Variants in CATSPERE observed in about 807,000 individuals in gnomAD.
CATSPERE encodes the protein catsper channel auxiliary subunit epsilon, also known as cation channel sperm-associated auxiliary subunit epsilon.
A neutral mutation model predicts 114.1 loss-of-function variants in CATSPERE; 93 were observed. The observed-to-expected ratio is 0.81, with a 90% confidence interval of 0.69 to 0.97. The LOEUF (loss-of-function observed/expected upper bound fraction) is 0.97. CATSPERE is among the 50% of genes least tolerant of loss of function. The pLI, the probability that CATSPERE is intolerant of heterozygous loss-of-function variation, is 0.00. For missense variants in CATSPERE, 1,058 were observed against 1,131.6 expected, an observed-to-expected ratio of 0.93 and a Z score of 0.93; for synonymous variants, 341 against 384.1, an observed-to-expected ratio of 0.89 and a Z score of 1.31.
intron 10 of CATSPERE, among the ~76,000 whole-genome samples, chr1:244,571,977 C>CAAGAATT: frequency 6.6e-6 from 1 of 152,312 alleles, no homozygotes; most frequent in Admixed American, 6.5e-5. Flanking sequence ...GGCTTCAACA[C>CAAGAATT]AAGAATTTGG....
chr1:244,515,871 A>G (rs1676528844), intron 7 of CATSPERE, among the ~76,000 whole-genome samples: 1 of 149,788 alleles, frequency 6.7e-6, no homozygotes, highest in South Asian at 2.1e-4. Context: ...ATACTATTAA[A>G]AATAATAATA....
At chr1:244,582,883 G>C (rs1327023929) in intron 12 of CATSPERE, among the ~76,000 whole-genome samples, 1 of 46,396 alleles carries the variant, frequency 2.2e-5, no homozygotes, top group Non-Finnish European at 5.3e-5. Flanking sequence ...TCAAATACTG[G>C]TAAGTGCTAT....
intron 11 of CATSPERE, among the ~76,000 whole-genome samples, chr1:244,578,153 G>T (rs143852352): frequency 6.2e-4 from 95 of 152,166 alleles, no homozygotes; most frequent in African/African-American, 2.2e-3. Context: ...TTTATTTGTT[G>T]GTTTGTTGGT....
At chr1:244,484,065 T>C (rs1210628514) in intron 5 of CATSPERE, among the ~76,000 whole-genome samples, 2 of 152,200 alleles carry the variant, frequency 1.3e-5, no homozygotes, top group Non-Finnish European at 2.9e-5. Context: ...ATAATCTATT[T>C]ATCCAGAATA....
intron 17 of CATSPERE, among the ~76,000 whole-genome samples, chr1:244,595,457 GGTAA>G (rs1422096614): frequency 6.6e-6 from 1 of 152,140 alleles, no homozygotes; most frequent in Non-Finnish European, 1.5e-5. Context: ...AATTCTGCTG[GGTAA>G]GTCTTTCAAG....
chr1:244,570,180 G>A (rs1043816799), intron 10 of CATSPERE, among the ~76,000 whole-genome samples: 1 of 151,930 alleles, frequency 6.6e-6, no homozygotes, highest in Non-Finnish European at 1.5e-5. Flanking sequence ...AGAAGTTCTT[G>A]TCTTTCTAGG....
At chr1:244,558,648 AC>A (rs1662067418) in intron 9 of CATSPERE, among the ~76,000 whole-genome samples, 1 of 152,108 alleles carries the variant, frequency 6.6e-6, no homozygotes, top group Non-Finnish European at 1.5e-5. Context: ...CTGCTTTACA[AC>A]TTAGCTTCCA....
intron 8 of CATSPERE, among the ~76,000 whole-genome samples, chr1:244,547,084 GA>G (rs1224151089): frequency 2.0e-5 from 3 of 152,236 alleles, no homozygotes; most frequent in Admixed American, 6.5e-5. Context: ...AGCAACAAGA[GA>G]AAAGAAGCAA....
chr1:244,581,322 G>A (rs968865198), intron 11 of CATSPERE, among the ~76,000 whole-genome samples: 2 of 152,082 alleles, frequency 1.3e-5, no homozygotes, highest in Non-Finnish European at 1.5e-5. Flanking sequence ...TTTTACTGTT[G>A]ATGAACATTG....
intron 5 of CATSPERE, among the ~76,000 whole-genome samples, chr1:244,482,284 T>C (rs1028183669): frequency 1.3e-5 from 2 of 151,880 alleles, no homozygotes; most frequent in Non-Finnish European, 2.9e-5. Context: ...CTGGGAAACA[T>C]AGCAAGACTT....
intron 2 of CATSPERE, 127 bp downstream of exon 2, chr1:244,464,083 G>A (rs1237290045): frequency 5.2e-5 from 37 of 711,288 alleles, no homozygotes; most frequent in Non-Finnish European, 7.3e-5. Context: ...TCTTTCATCC[G>A]GTGTATTACC....
At chr1:244,600,580 C>CT (rs1370256039) in intron 17 of CATSPERE, among the ~76,000 whole-genome samples, 1 of 152,142 alleles carries the variant, frequency 6.6e-6, no homozygotes, top group Non-Finnish European at 1.5e-5. Flanking sequence ...AAAAATGAAG[C>CT]TAAAAACTAT....
intron 19 of CATSPERE, among the ~76,000 whole-genome samples, chr1:244,616,248 A>G (rs187371225): frequency 6.6e-6 from 1 of 152,350 alleles, no homozygotes; most frequent in Admixed American, 6.5e-5. Flanking sequence ...CGTTATTGCC[A>G]TCTAATCATG....
At chr1:244,552,286 A>C in intron 8 of CATSPERE, 36 bp from the exon 9 acceptor site, 1 of 1,558,564 alleles carries the variant, frequency 6.4e-7, no homozygotes, top group African/African-American at 1.4e-5. Flanking sequence ...CAGATGAGAG[A>C]GAGATCATTT....
chr1:244,621,327 T>TAAA (rs1558611712), intron 20 of CATSPERE, among the ~76,000 whole-genome samples: 8,286 of 23,354 alleles, frequency 0.35, 2,686 homozygotes, highest in Non-Finnish European at 0.49. Context: ...TATATATATA[T>TAAA]ATATATATAT....
chr1:244,570,006 C>G (rs1664201284), intron 10 of CATSPERE, among the ~76,000 whole-genome samples: 2 of 152,154 alleles, frequency 1.3e-5, no homozygotes, highest in African/African-American at 4.8e-5. Flanking sequence ...TATTTTCCTC[C>G]TAAGTACCTA....
At position 244,607,380 on chromosome 1, in the gene CATSPERE, A is replaced by G. The variant is rs867390922; in HGVS notation, c.2403+1586A>G. ...TTCAGTTGACATCTATGCCATCCCT[A>G]CTTACTGGTACCGTATACTCAGAAC... On this transcript the variant is annotated intron_variant, in intron 18 of 21. Coordinates refer to ENST00000366534, the MANE Select transcript of CATSPERE (RefSeq NM_001130957.2). The surrounding 1 kb of genome is among the most constrained non-coding windows in gnomAD (Gnocchi z 4.4). Among the ~76,000 whole-genome samples the G allele has an allele frequency of 6.6e-6, 1 of 152,130 alleles. No individual in the cohort carries two copies. The highest frequency in any genetic ancestry group is 1.5e-5 in the Non-Finnish European group (1 of 68,026).
chr1:244,455,425 AAGTTACCTGTGGT>A (rs1385684568), intron 1 of CATSPERE, among the ~76,000 whole-genome samples: 8 of 152,056 alleles, frequency 5.3e-5, no homozygotes, highest in Non-Finnish European at 2.9e-5. Flanking sequence ...TTCAGGTGGG[AAGTTACCTGTGGT>A]AGAATTCAAA....
Position 244,477,523 on chromosome 1 carries a change from T to G in CATSPERE, c.115-18T>G, listed in dbSNP as rs368237404. 3.4e-6 allele frequency: 5 copies of G among 1,459,262 alleles called. No individual in the cohort carries two copies. The highest frequency in any genetic ancestry group is 4.8e-6 in the Non-Finnish European group (5 of 1,049,432). 90.4% of individuals were successfully genotyped at this position (1,459,262 alleles called of 1,614,324 possible). On this transcript the variant is annotated intron_variant, in intron 2 of 21. Transcript: ENST00000366534. The stretch of plus-strand genomic sequence containing the variant: ...TTTGAATGATATTTTTTGTTCGAAC[T>G]CTTGTTTTCTTTTTTAGATTAAGTT...
Sources: gnomAD v4.1 joint callset for allele counts (sites outside exome capture counted in the v4.1 genomes callset) on GRCh38, gnomAD v4.1.1 for gene constraint, Gnocchi (gnomAD v3.1) non-coding constraint, MANE v1.5 for transcripts, NCBI Gene and HGNC (gene_info 2026-07-23, HGNC 2026-07-21) for gene names.